The following ADAMTSL1 variants were observed in gnomAD, a reference collection of about 807,000 sequenced individuals.
ADAMTSL1 encodes ADAMTS like 1, also known as ADAMTS-like protein 1.
Under a neutral mutation model 201.8 loss-of-function variants are expected in ADAMTSL1, and 126 were observed. The ratio of observed to expected loss-of-function variants is 0.62; its 90% CI spans 0.54 to 0.72. The LOEUF (loss-of-function observed/expected upper bound fraction) is 0.72. Among genes scored for constraint, ADAMTSL1 ranks in the 30% least tolerant of loss-of-function variants. ADAMTSL1 has a pLI of 0.00. For missense variants in ADAMTSL1, 2,679 were observed against 2,277.8 expected, an observed-to-expected ratio of 1.18 and a Z score of -3.59; for synonymous variants, 1,121 against 903.4, an observed-to-expected ratio of 1.24 and a Z score of -4.32.
At chr9:17,935,226 T>C (rs1030896174) in intron 1 of ADAMTSL1, among the ~76,000 whole-genome samples, 2 of 152,120 alleles carry the variant, frequency 1.3e-5, no homozygotes, top group Non-Finnish European at 2.9e-5. Context: ...TGGAAGTCTT[T>C]GATTGTGCGG....
chr9:18,419,731 C>CTTTT (rs772122083), intron 2 of ADAMTSL1, among the ~76,000 whole-genome samples: 4 of 125,320 alleles, frequency 3.2e-5, no homozygotes, highest in Admixed American at 8.3e-5. Flanking sequence ...ATTTATTTGA[C>CTTTT]TTTTTTTTTT....
chr9:18,333,183 G>A (rs961160395), intron 2 of ADAMTSL1, among the ~76,000 whole-genome samples: 1 of 152,156 alleles, frequency 6.6e-6, no homozygotes, highest in African/African-American at 2.4e-5. Context: ...TATACCAAGT[G>A]ATATGGTTTG....
chr9:18,372,914 A>G (rs1370256067), intron 2 of ADAMTSL1, among the ~76,000 whole-genome samples: 1 of 152,196 alleles, frequency 6.6e-6, no homozygotes, highest in African/African-American at 2.4e-5. Context: ...TCACTTCCTC[A>G]CTTATTCACA....
Position 18,892,448 on chromosome 9 carries a change from G to A in ADAMTSL1, c.4703G>A (p.Arg1568His), listed in dbSNP as rs368610531. Residue 1568 changes from arginine to histidine, a missense_variant, in exon 26 of 29, where the codon CGC (arginine) becomes CAC (histidine). Physicochemically the swap from Arg to His is conservative, Grantham distance 29 (BLOSUM62 0). Coordinates refer to ENST00000380548, the MANE Select transcript of ADAMTSL1 (RefSeq NM_001040272.6). ...TRSCGGGVQT[R>H]RVTCQKLKAS... is the part of the protein sequence containing the mutation. ...AGCTGTGGGGGAGGTGTCCAGACCC[G>A]CAGGGTGACCTGTCAAAAGCTGAAA... is the stretch of plus-strand genomic sequence containing the variant. 2.7e-5 allele frequency: 44 copies of A among 1,613,346 alleles called. No individual in the cohort carries two copies. The highest frequency in any genetic ancestry group is 1.7e-5 in the Admixed American group (1 of 59,956).
chr9:18,291,125 C>T (rs1300359297), intron 2 of ADAMTSL1, among the ~76,000 whole-genome samples: 4 of 145,410 alleles, frequency 2.8e-5, no homozygotes, highest in African/African-American at 7.4e-5. Context: ...AGATTTTATC[C>T]TAAGTCATCT....
intron 1 of ADAMTSL1, among the ~76,000 whole-genome samples, chr9:17,915,476 A>T (rs1351336311): frequency 3.3e-5 from 5 of 152,246 alleles, no homozygotes; most frequent in African/African-American, 1.2e-4. Flanking sequence ...ATTGATGGAC[A>T]GTGTGTCTGT....
intron 1 of ADAMTSL1, among the ~76,000 whole-genome samples, chr9:17,952,932 TCCTCCTCCTCCTC>T (rs1206902680): frequency 2.0e-4 from 5 of 24,456 alleles, no homozygotes; most frequent in African/African-American, 5.5e-4. Context: ...CTCCTCCTCC[TCCTCCTCCTCCTC>T]CTCCTCCTCC....
intron 2 of ADAMTSL1, among the ~76,000 whole-genome samples, chr9:18,380,204 T>C (rs181951923): frequency 1.7e-3 from 260 of 152,288 alleles, no homozygotes; most frequent in African/African-American, 5.9e-3. Flanking sequence ...GAATGTTATA[T>C]TGTCACTGTA....
chr9:18,027,014 C>T (rs1302283407), intron 1 of ADAMTSL1, among the ~76,000 whole-genome samples: 2 of 151,442 alleles, frequency 1.3e-5, no homozygotes, highest in Non-Finnish European at 2.9e-5. Context: ...TCATAATAGT[C>T]TCTGAGGATC....
chr9:18,157,622 C>T (rs1340548573), intron 1 of ADAMTSL1, among the ~76,000 whole-genome samples: 17 of 151,986 alleles, frequency 1.1e-4, no homozygotes, highest in Admixed American at 1.1e-3. Context: ...TATCTCACTT[C>T]TTTCAGCTCT....
chr9:18,150,026 A>C (rs1156344463), intron 1 of ADAMTSL1, among the ~76,000 whole-genome samples: 4 of 152,114 alleles, frequency 2.6e-5, no homozygotes, highest in Non-Finnish European at 5.9e-5. Flanking sequence ...GACAAGAAAT[A>C]AATTCAATTT....
At chr9:18,851,141 A>T (rs536688798) in intron 23 of ADAMTSL1, among the ~76,000 whole-genome samples, 4 of 152,132 alleles carry the variant, frequency 2.6e-5, no homozygotes, top group Admixed American at 2.6e-4. Flanking sequence ...AAAATCATTC[A>T]GGAGACAGGT....
At chr9:18,204,495 C>A (rs1362285201) in intron 2 of ADAMTSL1, among the ~76,000 whole-genome samples, 5 of 152,122 alleles carry the variant, frequency 3.3e-5, no homozygotes, top group African/African-American at 1.2e-4. Flanking sequence ...TTGGGCAGTT[C>A]TTCATAGTAG....
chr9:18,208,702 T>A (rs1014148739), intron 2 of ADAMTSL1, among the ~76,000 whole-genome samples: 1 of 152,178 alleles, frequency 6.6e-6, no homozygotes, highest in Non-Finnish European at 1.5e-5. Flanking sequence ...AAGTGTGGAG[T>A]TGGGACTGTA....
At chr9:18,856,802 T>A (rs942262283) in intron 23 of ADAMTSL1, among the ~76,000 whole-genome samples, 1 of 152,082 alleles carries the variant, frequency 6.6e-6, no homozygotes, top group Middle Eastern at 3.2e-3. Context: ...AGCATTCAAA[T>A]AAAACAAACT....
intron 7 of ADAMTSL1, among the ~76,000 whole-genome samples, chr9:18,651,952 C>T (rs888319608): frequency 6.6e-6 from 1 of 151,722 alleles, no homozygotes; most frequent in Non-Finnish European, 1.5e-5. Flanking sequence ...ATGATTGATA[C>T]ATGAGGCAGA....
chr9:18,777,286 C>G lies in ADAMTSL1; in HGVS notation c.3057C>G (p.Ser1019Arg), dbSNP rs760825146. The G allele has an allele frequency of 3.8e-5, 61 of 1,607,102 alleles. No homozygotes were observed. Among genetic ancestry groups the G allele is most frequent in the Non-Finnish European group, 5.2e-5 (61 of 1,177,204 alleles). Residue 1019 changes from serine (S) to arginine (R), a missense_variant, in exon 19 of 29, where the codon AGC becomes AGG. Physicochemically the swap from Ser to Arg is moderately radical, Grantham distance 110. Coordinates refer to ENST00000380548, the MANE Select transcript of ADAMTSL1 (RefSeq NM_001040272.6). Reference protein sequence around the residue: ...EKRGLAANPGSRYDDLVSRLL... With the variant: ...EKRGLAANPGRRYDDLVSRLL... ...GGGGCCTGGCCGCCAACCCGGGGAG[C>G]CGCTACGACGACCTCGTCTCCCGGC...
At chr9:18,529,444 G>C (rs1374513705) in intron 2 of ADAMTSL1, among the ~76,000 whole-genome samples, 2 of 152,136 alleles carry the variant, frequency 1.3e-5, no homozygotes, top group African/African-American at 4.8e-5. Flanking sequence ...GTCACGCCTA[G>C]ATTCCAATCC....
At chr9:18,287,998 C>G (rs980490479) in intron 2 of ADAMTSL1, among the ~76,000 whole-genome samples, 3 of 152,134 alleles carry the variant, frequency 2.0e-5, no homozygotes, top group Admixed American at 6.5e-5. Flanking sequence ...AGATTGAGTT[C>G]TGCTTTGGAT....
Sources: gnomAD v4.1 joint callset for allele counts (sites outside exome capture counted in the v4.1 genomes callset) on GRCh38, gnomAD v4.1.1 for gene constraint, MANE v1.5 for transcripts, NCBI Gene and HGNC (gene_info 2026-07-23, HGNC 2026-07-21) for gene names.